Variants in NPAS3 observed in about 807,000 individuals in gnomAD.
The protein encoded by NPAS3 is neuronal PAS domain protein 3, also known as neuronal PAS domain-containing protein 3.
In NPAS3, 14 loss-of-function variants were observed where a neutral mutation model predicts 73.1. That is an observed-to-expected ratio of 0.19 (90% CI 0.13 to 0.30). The LOEUF (loss-of-function observed/expected upper bound fraction) is 0.30, where lower values mean the gene tolerates loss of function less well. Among genes scored for constraint, NPAS3 ranks in the 10% least tolerant of loss-of-function variants. The probability of loss-of-function intolerance (pLI) is 1.00; values close to 1 mark genes in which losing one functional copy is unlikely to be tolerated. For missense variants in NPAS3, 1,096 were observed against 1,250.0 expected (o/e 0.88, Z 1.86); for synonymous variants, 620 against 541.5 (o/e 1.14, Z -2.01).
At chr14:33,780,907 G>A (rs756037147) in intron 9 of NPAS3, 35 of 246,020 alleles carry the variant, frequency 1.4e-4, no homozygotes, top group South Asian at 9.3e-4. Flanking sequence ...TTGACATACC[G>A]GCTATTGCTT....
At chr14:33,246,196 C>G (rs985985816) in intron 3 of NPAS3, among the ~76,000 whole-genome samples, 2 of 152,078 alleles carry the variant, frequency 1.3e-5, no homozygotes, top group Non-Finnish European at 2.9e-5. Context: ...GTGCAGACAG[C>G]ATGAGATAAG....
chr14:33,552,127 CTCAACAGGTGCTTTCTGTTGCAG>C (rs1283403273), intron 4 of NPAS3, among the ~76,000 whole-genome samples: 1 of 152,182 alleles, frequency 6.6e-6, no homozygotes, highest in African/African-American at 2.4e-5. Context: ...ATAATAAGAG[CTCAACAGGTGCTTTCTGTTGCAG>C]TCAACAGGTG....
At chr14:33,146,187 C>T (rs1369605825) in intron 2 of NPAS3, among the ~76,000 whole-genome samples, 1 of 152,158 alleles carries the variant, frequency 6.6e-6, no homozygotes, top group East Asian at 1.9e-4. Flanking sequence ...TCTTTGCTTA[C>T]ATATGATGTG....
At chr14:33,521,507 C>A (rs979528801) in intron 4 of NPAS3, among the ~76,000 whole-genome samples, 38 of 114,572 alleles carry the variant, frequency 3.3e-4, no homozygotes, top group Admixed American at 1.7e-3. Flanking sequence ...GAGAGATGAT[C>A]TGCTTTAAAA....
intron 5 of NPAS3, among the ~76,000 whole-genome samples, chr14:33,604,410 A>T (rs1377401222): frequency 6.6e-6 from 1 of 152,112 alleles, no homozygotes; most frequent in Non-Finnish European, 1.5e-5. Context: ...ATAACTATGG[A>T]TAAAGAAGTT....
At chr14:33,158,859 T>C (rs1404108955) in intron 2 of NPAS3, among the ~76,000 whole-genome samples, 1 of 152,126 alleles carries the variant, frequency 6.6e-6, no homozygotes, top group Non-Finnish European at 1.5e-5. Context: ...AAGGTTTTGA[T>C]AGACTCTTTT....
chr14:33,655,495 T>G (rs962425398), intron 5 of NPAS3, among the ~76,000 whole-genome samples: 1 of 152,184 alleles, frequency 6.6e-6, no homozygotes, highest in Non-Finnish European at 1.5e-5. Flanking sequence ...ACAGCACTTT[T>G]CTACTATTCT....
In NPAS3 at chr14:33,555,645, C is replaced by A. The variant is rs936060652; in HGVS notation, c.469-4476C>A. On this transcript the variant is annotated intron_variant, in intron 4 of 11. Transcript: ENST00000356141. Reference sequence around the variant, plus strand: ...CCAAATTAAACCAACAATGATGCTACCCTTCAAACTTTTCTAAGTGGCAAC... The same window carrying A: ...CCAAATTAAACCAACAATGATGCTAACCTTCAAACTTTTCTAAGTGGCAAC... 4.6e-5 allele frequency among the ~76,000 whole-genome samples: 7 copies of A among 152,302 alleles called. No individual in the cohort carries two copies. In the East Asian group the frequency reaches 1.2e-3, roughly 25 times the overall value.
At chr14:33,658,436 C>T (rs1329089663) in intron 5 of NPAS3, among the ~76,000 whole-genome samples, 4 of 152,206 alleles carry the variant, frequency 2.6e-5, no homozygotes, top group African/African-American at 7.2e-5. Context: ...ACTGATTTCA[C>T]ATATCCCCCG....
chr14:33,674,574 A>G (rs1342714135), intron 5 of NPAS3, among the ~76,000 whole-genome samples: 1 of 152,182 alleles, frequency 6.6e-6, no homozygotes, highest in African/African-American at 2.4e-5. Context: ...CCCCCCTCCC[A>G]GAGGGTAAGA....
chr14:33,749,739 G>A lies in NPAS3; in HGVS notation c.852+14407G>A, dbSNP rs558551146. Among the ~76,000 whole-genome samples the A allele has an allele frequency of 4.6e-5, 7 of 152,210 alleles. 1 individual carries two copies. The East Asian group carries it at 5.8e-4, about 13-fold the overall frequency. On this transcript the variant is annotated intron_variant, in intron 7 of 11. Transcript: ENST00000356141. ...GCACCTCCAGGTTCTCATGCACTCC[G>A]AGAACCCTGAAGTAGACACAGATTG...
chr14:33,321,299 TTCAAAA>T (rs1163953427), intron 3 of NPAS3, among the ~76,000 whole-genome samples: 1 of 152,072 alleles, frequency 6.6e-6, no homozygotes. Context: ...CAGAATAGGA[TTCAAAA>T]TAAGATGGAA....
chr14:33,675,948 ATG>A (rs1204315925), intron 5 of NPAS3, among the ~76,000 whole-genome samples: 1 of 152,104 alleles, frequency 6.6e-6, no homozygotes, highest in Admixed American at 6.5e-5. Context: ...ATTTCACAGA[ATG>A]TTTGGCTTTA....
intron 3 of NPAS3, among the ~76,000 whole-genome samples, chr14:33,319,523 C>T (rs1301816460): frequency 1.3e-5 from 2 of 152,098 alleles, no homozygotes; most frequent in African/African-American, 4.8e-5. Context: ...AGGAAAGTGG[C>T]ATGTATGAAG....
chr14:33,706,060 C>A (rs1267455982), intron 6 of NPAS3, among the ~76,000 whole-genome samples: 1 of 152,218 alleles, frequency 6.6e-6, no homozygotes, highest in Non-Finnish European at 1.5e-5. Context: ...GCCACACAAC[C>A]CTTTTCATTC....
chr14:33,349,595 CT>C (rs11444414), intron 3 of NPAS3, among the ~76,000 whole-genome samples: 1 of 152,004 alleles, frequency 6.6e-6, no homozygotes, highest in African/African-American at 2.4e-5. Flanking sequence ...TGCTCATCAA[CT>C]TTTTGATTTT....
upstream of NPAS3, chr14:32,934,923 C>A (rs921060826): frequency 4.7e-6 from 5 of 1,064,206 alleles, no homozygotes; most frequent in Admixed American, 5.4e-5. The surrounding 1 kb of genome is among the most constrained non-coding windows in gnomAD (Gnocchi z 4.1). Context: ...GGGTGCCGGC[C>A]GGCGCGGGCA....
intron 1 of NPAS3, among the ~76,000 whole-genome samples, chr14:32,974,065 T>G (rs1366722969): frequency 6.6e-6 from 1 of 152,236 alleles, no homozygotes; most frequent in African/African-American, 2.4e-5. Context: ...AAGTGGTCAG[T>G]TAATAATGAG....
chr14:33,425,731 T>G (rs995196462), intron 4 of NPAS3, among the ~76,000 whole-genome samples: 1 of 152,064 alleles, frequency 6.6e-6, no homozygotes, highest in African/African-American at 2.4e-5. Flanking sequence ...TTCAGACTTG[T>G]TTTTGTATCG....
Sources: allele counts gnomAD v4.1 joint callset (sites outside exome capture counted in the v4.1 genomes callset), GRCh38; gene constraint gnomAD v4.1.1; non-coding constraint Gnocchi (gnomAD v3.1); transcripts MANE v1.5; gene names NCBI Gene and HGNC (gene_info 2026-07-23, HGNC 2026-07-21).